Variants in LPP observed in about 807,000 individuals in gnomAD.
LPP encodes the protein lipoma-preferred partner.
In LPP, 38 loss-of-function variants were observed where a neutral mutation model predicts 60.4. That is an observed-to-expected ratio of 0.63 (90% CI 0.49 to 0.83). The LOEUF (loss-of-function observed/expected upper bound fraction) is 0.83. Ranked by LOEUF, LPP falls within the 40% of genes least tolerant of loss-of-function variation. LPP has a pLI of 0.00. For synonymous variants in LPP, 328 were observed against 290.8 expected (o/e 1.13, Z -1.30); for missense variants, 902 against 783.6 (o/e 1.15, Z -1.80).
intron 2 of LPP, among the ~76,000 whole-genome samples, chr3:188,336,185 C>A (rs988200943): frequency 1.3e-5 from 2 of 152,102 alleles, no homozygotes; most frequent in Non-Finnish European, 2.9e-5. Context: ...ACATGACCTA[C>A]AAGCAAGTGC....
chr3:188,693,318 A>C (rs943969252), intron 7 of LPP, among the ~76,000 whole-genome samples: 1 of 152,184 alleles, frequency 6.6e-6, no homozygotes, highest in African/African-American at 2.4e-5. Context: ...TGGGGCAGCC[A>C]GAGTACTTAT....
intron 2 of LPP, among the ~76,000 whole-genome samples, chr3:188,337,089 C>T (rs1761866091): frequency 6.6e-6 from 1 of 152,132 alleles, no homozygotes; most frequent in Admixed American, 6.6e-5. Flanking sequence ...GATTAAGTGA[C>T]TCTACCTTCA....
At chr3:188,294,796 C>A (rs940215562) in intron 2 of LPP, among the ~76,000 whole-genome samples, 1 of 152,192 alleles carries the variant, frequency 6.6e-6, no homozygotes, top group Non-Finnish European at 1.5e-5. Context: ...AGCTAGAAAA[C>A]AGGTGCCCAG....
intron 2 of LPP, among the ~76,000 whole-genome samples, chr3:188,284,746 T>G (rs576310566): frequency 6.6e-6 from 1 of 152,274 alleles, no homozygotes; most frequent in Admixed American, 6.5e-5. Flanking sequence ...GTGCTAAGTT[T>G]AGTAATGACT....
In LPP at chr3:188,866,201, A is replaced by T; in HGVS notation, c.1412A>T (p.Asn471Ile). Reference protein sequence around the residue: ...KKAYCEPCYINTLEQCNVCSK... With the variant: ...KKAYCEPCYIITLEQCNVCSK... ...CGTGGTTTCTGTTTCCTTCCCCAGA[A>T]TACTCTGGAGCAGTGCAATGTGTGT... is the stretch of plus-strand genomic sequence containing the variant. Residue 471 changes from asparagine to isoleucine, a missense_variant and splice_region_variant, in exon 10 of 12, where the codon AAT (asparagine) becomes ATT (isoleucine). By Grantham distance (149) the Asn-to-Ile change is moderately radical. Transcript: ENST00000617246. The T allele has an allele frequency of 6.8e-7, 1 of 1,464,842 alleles. No homozygotes were observed. Among genetic ancestry groups the T allele is most frequent in the Non-Finnish European group, 9.1e-7 (1 of 1,098,644 alleles). The allele number at this position is 1,464,842 out of a possible 1,614,324, so 90.7% of individuals were successfully genotyped here. A position where few individuals can be genotyped will look rare whatever the true frequency, so the allele number is the denominator to read the frequency against.
At chr3:188,677,162 A>G (rs1171730254) in intron 7 of LPP, among the ~76,000 whole-genome samples, 1 of 152,210 alleles carries the variant, frequency 6.6e-6, no homozygotes, top group Non-Finnish European at 1.5e-5. Context: ...ACCCTGAGGC[A>G]GAGGACCCAT....
At chr3:188,864,836 T>C (rs1427678902) in intron 9 of LPP, among the ~76,000 whole-genome samples, 1 of 152,208 alleles carries the variant, frequency 6.6e-6, no homozygotes, top group African/African-American at 2.4e-5. Flanking sequence ...AAGGTACTTG[T>C]ATTTGATCAC....
chr3:188,210,741 A>C (rs1419112518), intron 1 of LPP, among the ~76,000 whole-genome samples: 1 of 152,136 alleles, frequency 6.6e-6, no homozygotes, highest in Non-Finnish European at 1.5e-5. Context: ...TTTAAAGCTT[A>C]AGACCATTCC....
At chr3:188,734,394 G>T (rs946455203) in intron 8 of LPP, among the ~76,000 whole-genome samples, 4 of 152,266 alleles carry the variant, frequency 2.6e-5, no homozygotes, top group Middle Eastern at 3.4e-3. Flanking sequence ...TATGAAACTT[G>T]TTTAGTTCAT....
chr3:188,157,483 A>T (rs1716846266), intron 1 of LPP, among the ~76,000 whole-genome samples: 1 of 152,204 alleles, frequency 6.6e-6, no homozygotes, highest in East Asian at 1.9e-4. Context: ...GTAACTCATA[A>T]GAACTGTGTA....
At chr3:188,292,838 G>T (rs142251582) in intron 2 of LPP, among the ~76,000 whole-genome samples, 33 of 152,224 alleles carry the variant, frequency 2.2e-4, no homozygotes, top group African/African-American at 7.2e-4. Context: ...TTGACCCCTT[G>T]ACTTTCCATT....
At chr3:188,274,832 T>A (rs1739090609) in intron 2 of LPP, among the ~76,000 whole-genome samples, 1 of 152,232 alleles carries the variant, frequency 6.6e-6, no homozygotes, top group Non-Finnish European at 1.5e-5. Context: ...TTGTCACTGT[T>A]TTGTAATAAG....
At chr3:188,761,696 A>G (rs1459321834) in intron 9 of LPP, among the ~76,000 whole-genome samples, 1 of 152,194 alleles carries the variant, frequency 6.6e-6, no homozygotes, top group Non-Finnish European at 1.5e-5. Flanking sequence ...TCATTTTCCT[A>G]AACATAAAGA....
At chr3:188,378,943 G>T (rs192020365) in intron 3 of LPP, among the ~76,000 whole-genome samples, 26 of 152,210 alleles carry the variant, frequency 1.7e-4, no homozygotes, top group African/African-American at 6.0e-4. Flanking sequence ...TACTTTATTG[G>T]ATTCCTGGGG....
intron 2 of LPP, among the ~76,000 whole-genome samples, chr3:188,246,898 C>T (rs1343530113): frequency 1.3e-5 from 2 of 152,204 alleles, no homozygotes; most frequent in Non-Finnish European, 2.9e-5. Context: ...TCTACAGCCT[C>T]AGACCAGAAA....
intron 7 of LPP, among the ~76,000 whole-genome samples, chr3:188,656,781 G>A (rs369003525): frequency 6.6e-6 from 1 of 152,146 alleles, no homozygotes; most frequent in African/African-American, 2.4e-5. Context: ...GAATAATAGT[G>A]AGTAATACCT....
At chr3:188,546,061 A>G (rs957824923) in intron 6 of LPP, among the ~76,000 whole-genome samples, 2 of 152,288 alleles carry the variant, frequency 1.3e-5, no homozygotes, top group Non-Finnish European at 1.5e-5. Flanking sequence ...TATCTGCCAG[A>G]CATGTATATT....
chr3:188,445,294 G>C (rs1578947889), intron 4 of LPP, among the ~76,000 whole-genome samples: 1 of 152,184 alleles, frequency 6.6e-6, no homozygotes, highest in Non-Finnish European at 1.5e-5. Context: ...ATGCACCATG[G>C]AATACTATGC....
At chr3:188,532,802 A>G (rs1822551851) in intron 6 of LPP, among the ~76,000 whole-genome samples, 1 of 152,208 alleles carries the variant, frequency 6.6e-6, no homozygotes. Context: ...CAGCTCACAC[A>G]GTCATTCCCA....
Sources: allele counts gnomAD v4.1 joint callset (sites outside exome capture counted in the v4.1 genomes callset), GRCh38; gene constraint gnomAD v4.1.1; transcripts MANE v1.5; gene names NCBI Gene and HGNC (gene_info 2026-07-23, HGNC 2026-07-21).